The following STAG2 variants were observed in gnomAD, a reference collection of about 807,000 sequenced individuals.
STAG2 encodes STAG2 cohesin complex component.
In STAG2, 14 loss-of-function variants were observed where a neutral mutation model predicts 108.1. The ratio of observed to expected loss-of-function variants is 0.13; its 90% CI spans 0.09 to 0.20. The LOEUF (loss-of-function observed/expected upper bound fraction) is 0.20, where lower values mean the gene tolerates loss of function less well. Among genes scored for constraint, STAG2 ranks in the 10% least tolerant of loss-of-function variants. STAG2 has a pLI of 1.00. For missense variants in STAG2, 440 were observed against 940.9 expected (o/e 0.47, Z 6.96); for synonymous variants, 307 against 302.7 (o/e 1.01, Z -0.15).
intron 1 of STAG2, among the ~76,000 whole-genome samples, chrX:123,981,338 C>T (rs1017698997): frequency 7.3e-5 from 8 of 110,005 alleles, no homozygotes; most frequent in Non-Finnish European, 1.3e-4. Flanking sequence ...ACCTCCCAGC[C>T]CCTGGTAATC....
At chrX:124,032,698 G>A (rs1247900187) in intron 5 of STAG2, among the ~76,000 whole-genome samples, 1 of 111,477 alleles carries the variant, frequency 9.0e-6, no homozygotes, top group Non-Finnish European at 1.9e-5. Context: ...TTGGTTTTCT[G>A]TTCCTGCGTT....
At chrX:123,979,131 C>A (rs746388218) in intron 1 of STAG2, among the ~76,000 whole-genome samples, 9 of 111,573 alleles carry the variant, frequency 8.1e-5, no homozygotes, top group Middle Eastern at 4.2e-3. Context: ...TACTTTGCGG[C>A]CTTTGTACTT....
chrX:124,084,390 C>T (rs755786468), intron 29 of STAG2, among the ~76,000 whole-genome samples: 3 of 101,723 alleles, frequency 2.9e-5, no homozygotes, highest in African/African-American at 1.0e-4. Context: ...ACCATCTCGG[C>T]CCACTGCAAA....
chrX:124,051,150 T>C lies in STAG2; in HGVS notation c.1047T>C (p.Thr349=). The change falls in exon 12 of 35, where the codon ACT becomes ACC. Residue 349 remains threonine (T), a synonymous_variant. Transcript: ENST00000371145. ...GTGAAGTAAGACTCAAATGTCTTACTGCTCTACAAGGGCTTTATTATAACA... is the reference window on the plus strand; with the variant it reads ...GTGAAGTAAGACTCAAATGTCTTACCGCTCTACAAGGGCTTTATTATAACA... ...KQGEVRLKCL[T]ALQGLYYNKE... 1 of 1,092,345 alleles carries C rather than the reference T, an allele frequency of 9.2e-7. No individual in the cohort carries two copies. Among genetic ancestry groups the C allele is most frequent in the South Asian group, 2.1e-5 (1 of 46,628 alleles). 90.0% of individuals were successfully genotyped at this position (1,092,345 alleles called of 1,213,427 possible). A position where few individuals can be genotyped will look rare whatever the true frequency, so the allele number is the denominator to read the frequency against.
At chrX:124,067,123 A>G (rs979587411) in intron 23 of STAG2, among the ~76,000 whole-genome samples, 2 of 111,702 alleles carry the variant, frequency 1.8e-5, no homozygotes, top group Admixed American at 9.5e-5. Context: ...AATCCTCTTG[A>G]TAATAAGTTT....
intron 1 of STAG2, among the ~76,000 whole-genome samples, chrX:123,989,857 C>T (rs975215733): frequency 1.8e-5 from 2 of 111,029 alleles, no homozygotes; most frequent in Admixed American, 9.6e-5. Context: ...CCACCTCAGC[C>T]TCCCAAAGTG....
chrX:123,993,617 G>C (rs2055585805), intron 1 of STAG2, among the ~76,000 whole-genome samples: 1 of 110,985 alleles, frequency 9.0e-6, no homozygotes. Context: ...CTCTTCCCTA[G>C]CTACTCATAC....
chrX:124,063,709 G>T (rs1439450807), intron 19 of STAG2, 139 bp from the exon 20 acceptor site: 3 of 474,560 alleles, frequency 6.3e-6, no homozygotes, highest in Non-Finnish European at 1.1e-5. Flanking sequence ...ATCATGATTA[G>T]AAAAGCACCT....
intron 3 of STAG2, among the ~76,000 whole-genome samples, chrX:124,025,568 C>G (rs933095482): frequency 1.8e-5 from 2 of 111,263 alleles, no homozygotes; most frequent in Non-Finnish European, 3.8e-5. Context: ...TTGAGACCCA[C>G]TGGATTAGTT....
Position 124,042,731 on chromosome X carries a change from G to A in STAG2, c.462+86G>A, listed in dbSNP as rs926423611. ...AAGTATTATTAAATTGTAAGCATTA[G>A]GCTGGGCATGGTGGCTCATGCCTGT... On this transcript the variant is annotated intron_variant, in intron 7 of 34. Coordinates refer to ENST00000371145, the MANE Select transcript of STAG2 (RefSeq NM_001042750.2). 1.1e-5 allele frequency: 8 copies of A among 704,343 alleles called. No homozygotes were observed. In the African/African-American group the frequency reaches 1.7e-4, roughly 15 times the overall value. 58.0% of individuals were successfully genotyped at this position (704,343 alleles called of 1,213,427 possible).
intron 27 of STAG2, among the ~76,000 whole-genome samples, chrX:124,079,654 G>A (rs940950379): frequency 9.0e-6 from 1 of 111,686 alleles, no homozygotes; most frequent in Admixed American, 9.5e-5. Context: ...AAATTTAAAA[G>A]GTTGAAAAGA....
intron 1 of STAG2, among the ~76,000 whole-genome samples, chrX:123,965,410 T>G (rs776365648): frequency 1.8e-5 from 2 of 111,893 alleles, no homozygotes; most frequent in Non-Finnish European, 3.8e-5. Context: ...ATTCTACATT[T>G]CTTTTTCAAC....
At chrX:123,993,801 C>T (rs958973937) in intron 1 of STAG2, among the ~76,000 whole-genome samples, 1 of 111,454 alleles carries the variant, frequency 9.0e-6, no homozygotes, top group African/African-American at 3.3e-5. Context: ...GGATGTCGGA[C>T]CTGTGACCAT....
upstream of STAG2, chrX:123,960,630 A>G (rs2053805030): frequency 9.6e-6 from 1 of 104,019 alleles, no homozygotes; most frequent in East Asian, 2.9e-4. Context: ...AAAAAAAAAA[A>G]AAAAAAAAAA....
intron 7 of STAG2, among the ~76,000 whole-genome samples, chrX:124,044,169 T>G (rs5958377): frequency 9.1e-6 from 1 of 109,776 alleles, no homozygotes; most frequent in East Asian, 2.9e-4. Context: ...CCTTTTAATA[T>G]TGAATGTTTT....
At position 124,006,379 on chromosome X, in the gene STAG2, C is replaced by G. The variant is rs545844754; in HGVS notation, c.-162-14988C>G. On this transcript the variant is annotated intron_variant, in intron 1 of 34. Transcript: ENST00000371145. Reference sequence around the variant, plus strand: ...GAGTGGCTGTAGTTTACATTTCCACCAGCAGTGTATAAGAATCAGTTTCTC... The same window carrying G: ...GAGTGGCTGTAGTTTACATTTCCACGAGCAGTGTATAAGAATCAGTTTCTC... 5.4e-5 allele frequency among the ~76,000 whole-genome samples: 6 copies of G among 110,665 alleles called. No individual in the cohort carries two copies. The South Asian group carries it at 2.3e-3, about 42-fold the overall frequency.
chrX:124,082,388 G>A (rs758798479), intron 28 of STAG2, among the ~76,000 whole-genome samples: 2 of 111,634 alleles, frequency 1.8e-5, no homozygotes, highest in South Asian at 7.5e-4. Context: ...CAACATTTGT[G>A]TATTAAAACC....
At chrX:123,989,919 C>T (rs1444161117) in intron 1 of STAG2, among the ~76,000 whole-genome samples, 4 of 111,255 alleles carry the variant, frequency 3.6e-5, no homozygotes, top group Non-Finnish European at 7.5e-5. Flanking sequence ...CTTTATACTA[C>T]GTTAGCCTAA....
chrX:124,046,076 TACAC>T (rs2148186547), intron 8 of STAG2, among the ~76,000 whole-genome samples: 1 of 112,065 alleles, frequency 8.9e-6, no homozygotes, highest in East Asian at 2.8e-4. Flanking sequence ...AAATTGGTGA[TACAC>T]TGCTGTTGAA....
Sources: gnomAD v4.1 joint callset for allele counts (sites outside exome capture counted in the v4.1 genomes callset) on GRCh38, gnomAD v4.1.1 for gene constraint, MANE v1.5 for transcripts, NCBI Gene and HGNC (gene_info 2026-07-23, HGNC 2026-07-21) for gene names.